The following UTP4 variants were observed in gnomAD, a reference collection of about 807,000 sequenced individuals.
UTP4 encodes UTP4 small subunit processome component.
In UTP4, 45 loss-of-function variants were observed where a neutral mutation model predicts 82.4. The ratio of observed to expected loss-of-function variants is 0.55; its 90% CI spans 0.43 to 0.70. The LOEUF (loss-of-function observed/expected upper bound fraction) is 0.70, where lower values mean the gene tolerates loss of function less well. UTP4 is among the 30% of genes least tolerant of loss of function. The pLI, the probability that UTP4 is intolerant of heterozygous loss-of-function variation, is 0.00. For missense variants in UTP4, 819 were observed against 858.3 expected (o/e 0.95, Z 0.57); for synonymous variants, 348 against 300.3 (o/e 1.16, Z -1.64).
At position 69,137,878 on chromosome 16, in the gene UTP4, G is replaced by T. The variant is rs1201298083; in HGVS notation, c.429G>T (p.Arg143=). 1 of 1,604,338 alleles carries T rather than the reference G, an allele frequency of 6.2e-7. No homozygotes were observed. Among genetic ancestry groups the T allele is most frequent in the Non-Finnish European group, 8.5e-7 (1 of 1,171,172 alleles). ...DKIQFERNFD[R]QKSRILSLSW... is the part of the protein sequence containing the mutation. Reference sequence around the variant, plus strand: ...TCCAGTTTGAAAGAAATTTTGATCGGCAGAAAAGTAAGCGTCATTTTTCAT... The same window carrying T: ...TCCAGTTTGAAAGAAATTTTGATCGTCAGAAAAGTAAGCGTCATTTTTCAT... The change falls in exon 4 of 17, where the codon CGG becomes CGT. Residue 143 remains arginine (R), a synonymous_variant. Transcript: ENST00000314423.
At chr16:69,133,156 A>T in intron 1 of UTP4, 1 of 398,606 alleles carries the variant, frequency 2.5e-6, no homozygotes, top group Non-Finnish European at 4.7e-6. Flanking sequence ...TTAGCAATAG[A>T]GTTGAGGAGA....
chr16:69,146,719 G>T (rs1027933084), intron 6 of UTP4, among the ~76,000 whole-genome samples: 1 of 150,884 alleles, frequency 6.6e-6, no homozygotes, highest in Non-Finnish European at 1.5e-5. Context: ...AAATTAAGCC[G>T]GGCGCGGTGG....
At chr16:69,154,860 C>G (rs986307065) in intron 10 of UTP4, among the ~76,000 whole-genome samples, 2 of 152,050 alleles carry the variant, frequency 1.3e-5, no homozygotes, top group African/African-American at 4.8e-5. Flanking sequence ...CCCCAAGTAG[C>G]TGGGATTACA....
intron 10 of UTP4, 81 bp from the exon 11 acceptor site, chr16:69,155,790 A>C: frequency 6.7e-7 from 1 of 1,485,570 alleles, no homozygotes; most frequent in Non-Finnish European, 9.4e-7. Context: ...CAGAGTGGCA[A>C]GAGCTTGAGG....
At chr16:69,162,972 C>T (rs1401618910) in intron 13 of UTP4, 111 bp from the exon 14 acceptor site, 5 of 867,142 alleles carry the variant, frequency 5.8e-6, no homozygotes, top group Non-Finnish European at 1.0e-5. Context: ...TTCCCTAGAA[C>T]CCTTTTGAAT....
chr16:69,139,958 A>G (rs752811723), intron 5 of UTP4, 44 bp downstream of exon 5: 10 of 1,405,656 alleles, frequency 7.1e-6, no homozygotes, highest in Non-Finnish European at 9.1e-6. Flanking sequence ...GTTTTGTCAG[A>G]TTCACATTTC....
At chr16:69,166,414 G>C (rs1372456884) in intron 15 of UTP4, 1 of 152,802 alleles carries the variant, frequency 6.5e-6, no homozygotes, top group Non-Finnish European at 1.5e-5. Flanking sequence ...GATACAGGAA[G>C]GGCCCCTCCC....
At chr16:69,144,200 CT>C (rs774169593) in intron 6 of UTP4, among the ~76,000 whole-genome samples, 26 of 140,476 alleles carry the variant, frequency 1.9e-4, no homozygotes, top group South Asian at 2.3e-4. Flanking sequence ...TTTTCTCTCT[CT>C]TTTTTTTTTT....
Position 69,163,086 on chromosome 16 carries a change from C to G in UTP4, c.1555C>G (p.His519Asp), listed in dbSNP as rs980906619. The G allele has an allele frequency of 3.7e-6, 6 of 1,613,508 alleles. No individual in the cohort carries two copies. Among genetic ancestry groups the G allele is most frequent in the Non-Finnish European group, 5.1e-6 (6 of 1,179,436 alleles). The change falls in exon 14 of 17, where the codon CAC becomes GAC. Residue 519 changes from histidine to aspartate, a missense_variant. His to Asp is a moderately conservative substitution (Grantham distance 81). Transcript: ENST00000314423. ...HVYNVKQLKL[H>D]CTVPAYNFPV... ...TGTGTCTGTTATTTGTTCCCAGCTT[C>G]ACTGCACGGTGCCTGCTTACAATTT...
intron 15 of UTP4, 199 bp from the exon 16 acceptor site, chr16:69,166,873 TTTC>T (rs754288477): frequency 6.9e-6 from 4 of 580,958 alleles, no homozygotes; most frequent in African/African-American, 3.8e-5. Flanking sequence ...TCTCTCTCCT[TTTC>T]TTCTTTTTTT....
intron 14 of UTP4, among the ~76,000 whole-genome samples, chr16:69,163,569 C>T (rs550508314): frequency 4.6e-5 from 7 of 151,906 alleles, no homozygotes; most frequent in South Asian, 2.1e-4. Context: ...TTACGCTTGC[C>T]GATGAGGAAA....
chr16:69,136,249 T>C (rs1280985659), intron 2 of UTP4, among the ~76,000 whole-genome samples: 1 of 152,162 alleles, frequency 6.6e-6, no homozygotes, highest in Non-Finnish European at 1.5e-5. Context: ...AACTTTTGGG[T>C]TGGGTGCAGT....
chr16:69,159,503 A>C (rs967655304), intron 12 of UTP4, among the ~76,000 whole-genome samples: 1 of 152,014 alleles, frequency 6.6e-6, no homozygotes, highest in Non-Finnish European at 1.5e-5. Flanking sequence ...TGCTGACCAA[A>C]ATGGTGAAAC....
chr16:69,156,457 C>G (rs1239771486), intron 11 of UTP4, among the ~76,000 whole-genome samples: 1 of 150,002 alleles, frequency 6.7e-6, no homozygotes, highest in Admixed American at 6.7e-5. Context: ...AGCCACCGCA[C>G]CCAGCCTTTT....
rs755803588 is a variant in UTP4 at position 69,163,105 on chromosome 16, A to G, written c.1574A>G (p.Tyr525Cys). ...CAGCTTCACTGCACGGTGCCTGCTT[A>G]CAATTTCCCAGTGACTGCTATGGCT... ...QLKLHCTVPA[Y>C]NFPVTAMAIA... Residue 525 changes from tyrosine (Y) to cysteine (C), a missense_variant, in exon 14 of 17, where the codon TAC becomes TGC. By Grantham distance (194) the Tyr-to-Cys change is radical. Transcript: ENST00000314423. 1.4e-5 allele frequency: 22 copies of G among 1,614,018 alleles called. 1 individual carries two copies. In the South Asian group the frequency reaches 2.3e-4, roughly 17 times the overall value.
At position 69,137,854 on chromosome 16, in the gene UTP4, C is replaced by G. The variant is rs1597133257; in HGVS notation, c.405C>G (p.Ile135Met). The change falls in exon 4 of 17, where the codon ATC becomes ATG. Residue 135 changes from isoleucine to methionine, a missense_variant. By Grantham distance (10) the Ile-to-Met change is conservative. Coordinates refer to ENST00000314423, the MANE Select transcript of UTP4 (RefSeq NM_032830.3). ...TATTTCAAATTACCCCAGACAAAAT[C>G]CAGTTTGAAAGAAATTTTGATCGGC... ...VKLFQITPDK[I>M]QFERNFDRQK... is the part of the protein sequence containing the mutation. The G allele has an allele frequency of 6.2e-7, 1 of 1,612,734 alleles. No homozygotes were observed. The highest frequency in any genetic ancestry group is 1.1e-5 in the South Asian group (1 of 91,052).
At chr16:69,144,966 AC>A (rs1963068638) in intron 6 of UTP4, among the ~76,000 whole-genome samples, 1 of 151,864 alleles carries the variant, frequency 6.6e-6, no homozygotes, top group Non-Finnish European at 1.5e-5. Context: ...ACATGGTGAA[AC>A]CCTGTCTCTA....
In UTP4 at chr16:69,143,470, G is replaced by A. The variant is rs957745514; in HGVS notation, c.738+81G>A. 4 of 1,219,712 alleles carry A rather than the reference G, an allele frequency of 3.3e-6. No homozygotes were observed. In the Admixed American group the frequency reaches 7.3e-5, roughly 22 times the overall value. 75.6% of individuals were successfully genotyped at this position (1,219,712 alleles called of 1,614,324 possible). On this transcript the variant is annotated intron_variant, in intron 6 of 16. Transcript: ENST00000314423. ...GAAAGCAGCCTTAGTGACGTGCCAT[G>A]AACACTGGTTCCTGATCCTGATGTT...
intron 5 of UTP4, among the ~76,000 whole-genome samples, 159 bp from the exon 6 acceptor site, chr16:69,143,019 C>T (rs1464617510): frequency 2.0e-5 from 3 of 152,150 alleles, no homozygotes; most frequent in Admixed American, 6.5e-5. Flanking sequence ...TTACCGCAGG[C>T]GGGTTTGTTA....
Sources: gnomAD v4.1 joint callset for allele counts (sites outside exome capture counted in the v4.1 genomes callset) on GRCh38, gnomAD v4.1.1 for gene constraint, MANE v1.5 for transcripts, NCBI Gene and HGNC (gene_info 2026-07-23, HGNC 2026-07-21) for gene names.